The following KIAA1549 variants were observed in gnomAD, a reference collection of about 807,000 sequenced individuals.
KIAA1549 encodes UPF0606 protein KIAA1549.
Under a neutral mutation model 156.4 loss-of-function variants are expected in KIAA1549, and 70 were observed. The ratio of observed to expected loss-of-function variants is 0.45; its 90% CI spans 0.37 to 0.55. The LOEUF is 0.55. Ranked by LOEUF, KIAA1549 falls within the 20% of genes least tolerant of loss-of-function variation. KIAA1549 has a pLI of 0.00. For missense variants in KIAA1549, 2,428 were observed against 2,540.9 expected (o/e 0.96, Z 0.96); for synonymous variants, 1,103 against 1,066.4 (o/e 1.03, Z -0.67).
In KIAA1549 at chr7:138,881,171, G is replaced by A. The variant is rs116961695; in HGVS notation, c.4229+217C>T. Among the ~76,000 whole-genome samples, 1,058 of 152,300 alleles carry A rather than the reference G, an allele frequency of 6.9e-3. 8 individuals are homozygous for A. The highest frequency in any genetic ancestry group is 0.014 in the Middle Eastern group (4 of 294). ...AGATAGTGATTCATGATCTTCAACCGTGTGGGGAAAGAAATCACACAGCCT... is the reference window on the plus strand; with the variant it reads ...AGATAGTGATTCATGATCTTCAACCATGTGGGGAAAGAAATCACACAGCCT... On this transcript the variant is annotated intron_variant, in intron 11 of 19. Transcript: ENST00000422774.
In KIAA1549 at chr7:138,918,282, G is replaced by A. The variant is rs183368912; in HGVS notation, c.1344C>T (p.Ala448=). 163 of 1,613,946 alleles carry A rather than the reference G, an allele frequency of 1.0e-4. No individual in the cohort carries two copies. In the African/African-American group the frequency reaches 1.3e-3, roughly 13 times the overall value. The change falls in exon 2 of 20, where the codon GCC becomes GCT. Residue 448 remains alanine, a synonymous_variant. Coordinates refer to ENST00000422774, the MANE Select transcript of KIAA1549 (RefSeq NM_001164665.2). This position sits in a 1 kb window ranked among gnomAD's most constrained non-coding sequence, Gnocchi z 4.2. The part of the protein sequence containing the change: ...MEKDVGSGDG[A]ETLCMTVLEE... ...CCAGCACGGTCATGCACAGAGTCTC[G>A]GCACCATCCCCTGATCCCACGTCTT...
At chr7:138,903,986 A>G (rs1466420277) in intron 7 of KIAA1549, among the ~76,000 whole-genome samples, 3 of 152,214 alleles carry the variant, frequency 2.0e-5, no homozygotes, top group Non-Finnish European at 4.4e-5. Flanking sequence ...TGCAGCCCAC[A>G]AGAGCTCCAA....
rs774953469 is a variant in KIAA1549, at chr7:138,894,324, G to A, written c.4032+18C>T. The A allele has an allele frequency of 6.2e-6, 10 of 1,612,942 alleles. No individual in the cohort carries two copies. Among genetic ancestry groups the A allele is most frequent in the African/African-American group, 1.3e-5 (1 of 74,904 alleles). On this transcript the variant is annotated intron_variant, in intron 10 of 19. Coordinates refer to ENST00000422774, the MANE Select transcript of KIAA1549 (RefSeq NM_001164665.2). ...AAAACTGCTTATAGGAACACTGGGG[G>A]AAGAGGCTGCCCGTTACCTTCTGAC...
chr7:138,900,902 C>T (rs1054565155), intron 8 of KIAA1549, among the ~76,000 whole-genome samples: 1 of 152,224 alleles, frequency 6.6e-6, no homozygotes, highest in South Asian at 2.1e-4. Flanking sequence ...GCCAAATAAA[C>T]CTCTTTTCTT....
intron 12 of KIAA1549, chr7:138,876,377 C>T (rs1811085693): frequency 2.0e-5 from 3 of 152,020 alleles, no homozygotes; most frequent in Admixed American, 2.0e-4. Context: ...GGAATGCTTC[C>T]CCAATATGCA....
In KIAA1549 at chr7:138,833,156, C is replaced by G. The variant is rs1012297298; in HGVS notation, c.*4750G>C. The G allele has an allele frequency of 6.9e-5, 16 of 232,390 alleles. No homozygotes were observed. Among genetic ancestry groups the G allele is most frequent in the African/African-American group, 3.3e-4 (15 of 45,436 alleles). The allele number at this position is 232,390 out of a possible 1,614,324, so 14.4% of individuals were successfully genotyped here. ...CTTGCTCCGGAGGTAGAAATGACCA[C>G]GGTGAAAACTCCACTTGAGCTAAAG... On this transcript the variant is annotated 3_prime_UTR_variant, in exon 20 of 20. Coordinates refer to ENST00000422774, the MANE Select transcript of KIAA1549 (RefSeq NM_001164665.2).
At chr7:138,975,157 C>T (rs1160462557) in intron 1 of KIAA1549, among the ~76,000 whole-genome samples, 1 of 152,144 alleles carries the variant, frequency 6.6e-6, no homozygotes, top group African/African-American at 2.4e-5. Flanking sequence ...TGATGATGCT[C>T]AGAGTGTGGG....
chr7:138,919,028 T>C lies in KIAA1549; in HGVS notation c.598A>G (p.Met200Val), dbSNP rs371772877. ...LEPMLTPSLPMVSLQDEEVTS... is the reference protein window; with the variant it reads ...LEPMLTPSLPVVSLQDEEVTS... ...ACTTCTTCATCTTGTAAAGAAACCA[T>C]GGGTAATGATGGAGTGAGCATAGGT... is the stretch of plus-strand genomic sequence containing the variant. The change falls in exon 2 of 20, where the codon ATG becomes GTG. Residue 200 changes from methionine (M) to valine (V), a missense_variant. Coordinates refer to ENST00000422774, the MANE Select transcript of KIAA1549 (RefSeq NM_001164665.2). The C allele has an allele frequency of 6.9e-5, 111 of 1,613,932 alleles. No homozygotes were observed. In the African/African-American group the frequency reaches 1.2e-3, roughly 17 times the overall value.
chr7:138,977,310 T>G (rs1324737189), intron 1 of KIAA1549, among the ~76,000 whole-genome samples: 1 of 151,920 alleles, frequency 6.6e-6, no homozygotes, highest in Non-Finnish European at 1.5e-5. Flanking sequence ...ACAGAGAAAA[T>G]TCACAGAATA....
intron 10 of KIAA1549, among the ~76,000 whole-genome samples, chr7:138,886,061 T>TGTGTG (rs1488372137): frequency 8.5e-5 from 13 of 152,150 alleles, no homozygotes; most frequent in African/African-American, 3.1e-4. Context: ...TGTTGACTGT[T>TGTGTG]GTGTGGTGTG....
chr7:138,850,124 A>T (rs1395228716), intron 17 of KIAA1549, among the ~76,000 whole-genome samples: 1 of 152,164 alleles, frequency 6.6e-6, no homozygotes, highest in East Asian at 1.9e-4. Flanking sequence ...TTTTTTTAAC[A>T]TCAATTAAAT....
At chr7:138,903,856 C>CG in intron 7 of KIAA1549, 120 bp from the exon 8 acceptor site, 1 of 493,868 alleles carries the variant, frequency 2.0e-6, no homozygotes, top group East Asian at 4.6e-5. Flanking sequence ...TGTGTGTGCG[C>CG]GCGCGCGCGC....
chr7:138,868,485 T>C (rs917239340), intron 14 of KIAA1549, among the ~76,000 whole-genome samples: 4 of 152,310 alleles, frequency 2.6e-5, no homozygotes, highest in African/African-American at 4.8e-5. Flanking sequence ...TGGAGTGCAA[T>C]GGCGTGATCT....
At chr7:138,841,677 C>T (rs1389260202) in intron 18 of KIAA1549, among the ~76,000 whole-genome samples, 1 of 152,192 alleles carries the variant, frequency 6.6e-6, no homozygotes, top group Non-Finnish European at 1.5e-5. Flanking sequence ...GGCACCTCCT[C>T]CGTCTTTAAG....
intron 1 of KIAA1549, among the ~76,000 whole-genome samples, chr7:138,954,867 C>T (rs1024066061): frequency 2.6e-5 from 4 of 152,110 alleles, no homozygotes; most frequent in Admixed American, 6.5e-5. Context: ...AGAAAAGCAG[C>T]AGATGTGAGG....
intron 2 of KIAA1549, among the ~76,000 whole-genome samples, chr7:138,915,797 G>A (rs1026898591): frequency 6.6e-6 from 1 of 152,180 alleles, no homozygotes; most frequent in Non-Finnish European, 1.5e-5. Flanking sequence ...CCAGGCTGTG[G>A]TTCAGCACAC....
intron 17 of KIAA1549, among the ~76,000 whole-genome samples, chr7:138,845,029 G>A (rs1810034780): frequency 6.6e-6 from 1 of 152,054 alleles, no homozygotes. Flanking sequence ...TAAAGCAGCG[G>A]ATCGCAAACT....
chr7:138,845,667 C>T (rs1810052751), intron 17 of KIAA1549, among the ~76,000 whole-genome samples: 1 of 152,176 alleles, frequency 6.6e-6, no homozygotes. Flanking sequence ...TGTTACCTCT[C>T]ATTTTGCAGT....
Position 138,838,029 on chromosome 7 carries a change from G to A in KIAA1549, c.5730C>T (p.Tyr1910=), listed in dbSNP as rs767053561. 48 of 1,608,052 alleles carry A rather than the reference G, an allele frequency of 3.0e-5. No individual in the cohort carries two copies. The South Asian group carries it at 5.2e-4, about 18-fold the overall frequency. The part of the protein sequence containing the change: ...HRGLQGPGLG[Y]PTSSTEDLQP... ...GGAGGTCTTCCGTGGAGCTGGTGGG[G>A]TAACCCAGCCCAGGGCCCTGCAGTC... is the stretch of plus-strand genomic sequence containing the variant. The change falls in exon 20 of 20, where the codon TAC becomes TAT. Residue 1910 remains tyrosine (Y), a synonymous_variant. Coordinates refer to ENST00000422774, the MANE Select transcript of KIAA1549 (RefSeq NM_001164665.2).
Sources: allele counts gnomAD v4.1 joint callset (sites outside exome capture counted in the v4.1 genomes callset), GRCh38; gene constraint gnomAD v4.1.1; non-coding constraint Gnocchi (gnomAD v3.1); transcripts MANE v1.5; gene names NCBI Gene and HGNC (gene_info 2026-07-23, HGNC 2026-07-21).